ACTN1: variants seen among roughly 807,000 people sequenced by gnomAD.
ACTN1 encodes alpha-actinin-1.
In ACTN1, 30 loss-of-function variants were observed where a neutral mutation model predicts 119.6. That is an observed-to-expected ratio of 0.25 (90% CI 0.19 to 0.34). ACTN1 has a LOEUF of 0.34. Ranked by LOEUF, ACTN1 falls within the 10% of genes least tolerant of loss-of-function variation. The pLI, the probability that ACTN1 is intolerant of heterozygous loss-of-function variation, is 1.00. For synonymous variants in ACTN1, 429 were observed against 472.6 expected (o/e 0.91, Z 1.20); for missense variants, 764 against 1,223.4 (o/e 0.62, Z 5.60).
intron 11 of ACTN1, chr14:68,887,661 C>G (rs1300041789): frequency 8.1e-7 from 1 of 1,231,144 alleles, no homozygotes; most frequent in Non-Finnish European, 1.1e-6. Flanking sequence ...GGGATACCCT[C>G]CTTCTTAAAA....
At position 68,944,575 on chromosome 14, in the gene ACTN1, G is replaced by A. The variant is rs779527947; in HGVS notation, c.106-18903C>T. Among the ~76,000 whole-genome samples, 205 of 152,162 alleles carry A rather than the reference G, an allele frequency of 1.3e-3. 5 individuals are homozygous for A. The highest frequency in any genetic ancestry group is 4.3e-4 in the Non-Finnish European group (29 of 68,032). On this transcript the variant is annotated intron_variant, in intron 1 of 21. Transcript: ENST00000394419. ...CAATAAGCAAAGATTTTATCAATGC[G>A]TGTATTTTTGTACACTAAGATCCAG...
intron 1 of ACTN1, among the ~76,000 whole-genome samples, chr14:68,967,332 C>G (rs1184027395): frequency 6.6e-6 from 1 of 152,210 alleles, no homozygotes; most frequent in African/African-American, 2.4e-5. Flanking sequence ...GTCCAAAGGC[C>G]CTCACCACCA....
chr14:68,926,915 A>C (rs72733532), intron 1 of ACTN1, among the ~76,000 whole-genome samples: 18,612 of 152,194 alleles, frequency 0.12, 1,390 homozygotes, highest in Middle Eastern at 0.24. Context: ...CAAGAAAGGG[A>C]ACAGGGGGAC....
At chr14:68,881,043 G>T in intron 16 of ACTN1, 54 bp from the exon 17 acceptor site, 3 of 1,576,476 alleles carry the variant, frequency 1.9e-6, no homozygotes, top group Non-Finnish European at 2.6e-6. Context: ...GCTCCCATAG[G>T]GTGGGGACTG....
intron 3 of ACTN1, among the ~76,000 whole-genome samples, chr14:68,916,655 T>C (rs2034312094): frequency 6.6e-6 from 1 of 152,128 alleles, no homozygotes; most frequent in South Asian, 2.1e-4. Context: ...GTGCCTCATC[T>C]CTCAGGCAGC....
At chr14:68,913,658 G>A (rs944175226) in intron 3 of ACTN1, among the ~76,000 whole-genome samples, 12 of 152,194 alleles carry the variant, frequency 7.9e-5, no homozygotes, top group African/African-American at 2.7e-4. Context: ...CCAGGGGAGC[G>A]GGTAACCTGC....
chr14:68,930,409 TA>T (rs2035171082), intron 1 of ACTN1, among the ~76,000 whole-genome samples: 1 of 152,224 alleles, frequency 6.6e-6, no homozygotes, highest in African/African-American at 2.4e-5. Context: ...TTTTAGATTC[TA>T]AAAGGATGTC....
rs747141140 is a variant in ACTN1 at position 68,912,117 on chromosome 14, G to A, written c.427+39C>T. The A allele has an allele frequency of 1.1e-5, 18 of 1,594,612 alleles. No homozygotes were observed. In the South Asian group the frequency reaches 1.2e-4, roughly 11 times the overall value. On this transcript the variant is annotated intron_variant, in intron 4 of 21. Coordinates refer to ENST00000394419, the MANE Select transcript of ACTN1 (RefSeq NM_001130004.2). Reference sequence around the variant, plus strand: ...CCAGGCTAAGCCCAGGGAGGGAGACGAGATGGTGATGGCGGGATGGAACAA... The same window carrying A: ...CCAGGCTAAGCCCAGGGAGGGAGACAAGATGGTGATGGCGGGATGGAACAA...
intron 3 of ACTN1, 56 bp downstream of exon 3, chr14:68,920,950 G>A: frequency 6.2e-7 from 1 of 1,602,254 alleles, no homozygotes; most frequent in South Asian, 1.1e-5. Flanking sequence ...AAGGCCAAGA[G>A]AACCAGGGGG....
rs773526690 is a variant in ACTN1 at position 68,910,020 on chromosome 14, C to T, written c.450G>A (p.Leu150=). 1.9e-6 allele frequency: 3 copies of T among 1,613,870 alleles called. No homozygotes were observed. Among genetic ancestry groups the T allele is most frequent in the East Asian group, 2.2e-5 (1 of 44,870 alleles). ...CTGTCTTTCTCTGACACCACAGGAG[C>T]AGCCCTTCCTTGGCTGAAGTCTCTA... ...SVEETSAKEG[L]LLWCQRKTAP... is the part of the protein sequence containing the mutation. The change falls in exon 5 of 22, where the codon CTG becomes CTA. Residue 150 remains leucine, a synonymous_variant. Coordinates refer to ENST00000394419, the MANE Select transcript of ACTN1 (RefSeq NM_001130004.2).
At chr14:68,881,240 C>T in intron 16 of ACTN1, 1 of 407,082 alleles carries the variant, frequency 2.5e-6, no homozygotes, top group Non-Finnish European at 4.4e-6. Context: ...CTCTCGGGTA[C>T]CTGTCAGCCT....
intron 1 of ACTN1, chr14:68,977,645 G>C (rs1331141382): frequency 3.4e-6 from 1 of 295,610 alleles, no homozygotes; most frequent in East Asian, 1.2e-4. Flanking sequence ...AGCTAATACA[G>C]GATGCCTTTG....
At position 68,880,803 on chromosome 14, in the gene ACTN1, C is replaced by T; in HGVS notation, c.2133+7G>A. The T allele has an allele frequency of 1.2e-6, 2 of 1,613,640 alleles. No homozygotes were observed. The highest frequency in any genetic ancestry group is 1.7e-6 in the Non-Finnish European group (2 of 1,179,650). On this transcript the variant is annotated splice_region_variant and intron_variant, in intron 17 of 21. Transcript: ENST00000394419. This position sits in a 1 kb window ranked among gnomAD's most constrained non-coding sequence, Gnocchi z 4.6. ...TCCCGAAGAGGAACAAGGCCAGCCC[C>T]ACCCACCTCCATGGTGTAGTTGGTG...
chr14:68,931,395 A>G (rs936852301), intron 1 of ACTN1, among the ~76,000 whole-genome samples: 2 of 152,240 alleles, frequency 1.3e-5, no homozygotes, highest in African/African-American at 4.8e-5. Context: ...GATGGTAAGC[A>G]GACCAGACAG....
At chr14:68,875,075 G>C in intron 21 of ACTN1, 58 bp from the exon 22 acceptor site, 1 of 1,598,076 alleles carries the variant, frequency 6.3e-7, no homozygotes, top group Non-Finnish European at 8.5e-7. Context: ...AAGCGGCGCG[G>C]CCCGACACAG....
At chr14:68,884,095 C>A in intron 14 of ACTN1, 73 bp downstream of exon 14, 2 of 1,481,186 alleles carry the variant, frequency 1.4e-6, no homozygotes, top group Non-Finnish European at 1.8e-6. Flanking sequence ...GGCAGTCCTG[C>A]AAAAGTGACC....
intron 4 of ACTN1, among the ~76,000 whole-genome samples, chr14:68,910,720 C>T (rs2140294809): frequency 6.6e-6 from 1 of 152,272 alleles, no homozygotes; most frequent in Admixed American, 6.5e-5. Context: ...TCCCATAATT[C>T]CCACGTGTTG....
chr14:68,966,600 C>G (rs2036714610), intron 1 of ACTN1, among the ~76,000 whole-genome samples: 1 of 152,136 alleles, frequency 6.6e-6, no homozygotes, highest in African/African-American at 2.4e-5. Flanking sequence ...ACACCTATCC[C>G]CACTCCCAAA....
At chr14:68,921,778 C>T (rs1566639787) in intron 2 of ACTN1, among the ~76,000 whole-genome samples, 1 of 152,168 alleles carries the variant, frequency 6.6e-6, no homozygotes, top group Non-Finnish European at 1.5e-5. Flanking sequence ...TTGCCTATAG[C>T]AGCCCATCCC....
Sources: allele counts gnomAD v4.1 joint callset (sites outside exome capture counted in the v4.1 genomes callset), GRCh38; gene constraint gnomAD v4.1.1; non-coding constraint Gnocchi (gnomAD v3.1); transcripts MANE v1.5; gene names NCBI Gene and HGNC (gene_info 2026-07-23, HGNC 2026-07-21).